NFASC: variants seen among roughly 807,000 people sequenced by gnomAD.
The protein encoded by NFASC is neurofascin homolog.
Under a neutral mutation model 147.5 loss-of-function variants are expected in NFASC, and 43 were observed. The observed-to-expected ratio is 0.29, with a 90% CI of 0.23 to 0.38. The LOEUF (loss-of-function observed/expected upper bound fraction) is 0.38, where lower values mean the gene tolerates loss of function less well. NFASC is among the 10% of genes least tolerant of loss of function. The pLI, the probability that NFASC is intolerant of heterozygous loss-of-function variation, is 1.00. For synonymous variants in NFASC, 622 were observed against 665.5 expected, an observed-to-expected ratio of 0.93 and a Z score of 1.01; for missense variants, 1,320 against 1,689.0, an observed-to-expected ratio of 0.78 and a Z score of 3.83.
intron 3 of NFASC, chr1:204,948,517 G>A: frequency 2.0e-6 from 1 of 496,252 alleles, no homozygotes; most frequent in Non-Finnish European, 4.0e-6. Flanking sequence ...AGAATGTCAA[G>A]GAGAGCAGAG....
intron 1 of NFASC, among the ~76,000 whole-genome samples, chr1:204,830,006 G>GGTGTGTGTGTGTGTGTGTGT (rs58294218): frequency 3.5e-5 from 5 of 144,012 alleles, no homozygotes; most frequent in African/African-American, 1.0e-4. Context: ...TTTGGCATGG[G>GGTGTGTGTGTGTGTGTGTGT]GTGTGTGTGT....
chr1:205,001,894 A>G (rs2095995902), intron 26 of NFASC, among the ~76,000 whole-genome samples: 1 of 152,182 alleles, frequency 6.6e-6, no homozygotes, highest in Non-Finnish European at 1.5e-5. Flanking sequence ...CATCTTCAGT[A>G]TGTGCTCTAA....
rs574113849 is a variant in NFASC at position 204,911,823 on chromosome 1, A to G, written c.-199-8809A>G. Reference sequence around the variant, plus strand: ...TTTTCTTAATTATAAAGCAATTCAGATTATCTGTTACATATTGGGAAATGT... The same window carrying G: ...TTTTCTTAATTATAAAGCAATTCAGGTTATCTGTTACATATTGGGAAATGT... On this transcript the variant is annotated intron_variant, in intron 1 of 29. Transcript: ENST00000339876. Among the ~76,000 whole-genome samples the G allele has an allele frequency of 7.2e-5, 11 of 152,272 alleles. No individual in the cohort carries two copies. In the East Asian group the frequency reaches 2.1e-3, roughly 29 times the overall value.
intron 1 of NFASC, among the ~76,000 whole-genome samples, chr1:204,845,631 G>A (rs930939724): frequency 1.3e-5 from 2 of 152,138 alleles, no homozygotes; most frequent in African/African-American, 4.8e-5. Context: ...GCCAGGCATG[G>A]TGGTTCACAC....
intron 2 of NFASC, among the ~76,000 whole-genome samples, chr1:204,932,494 T>C (rs1385353968): frequency 6.6e-6 from 1 of 152,002 alleles, no homozygotes; most frequent in East Asian, 1.9e-4. Context: ...TTCACTAAGA[T>C]TGACAGCGTT....
At chr1:205,011,213 C>CCCG (rs530040240) in intron 28 of NFASC, among the ~76,000 whole-genome samples, 2 of 151,730 alleles carry the variant, frequency 1.3e-5, no homozygotes, top group Admixed American at 1.3e-4. Flanking sequence ...CAGGACCCCC[C>CCCG]CCAAAACTCA....
intron 2 of NFASC, among the ~76,000 whole-genome samples, chr1:204,922,607 G>A (rs546685128): frequency 3.3e-5 from 5 of 152,144 alleles, no homozygotes; most frequent in South Asian, 4.2e-4. Flanking sequence ...CCAAGGTTTC[G>A]CAAAACTAAT....
intron 12 of NFASC, 97 bp from the exon 13 acceptor site, chr1:204,974,082 G>A (rs956467069): frequency 1.1e-4 from 97 of 911,094 alleles, no homozygotes; most frequent in Non-Finnish European, 1.6e-4. Context: ...TGCCTGGGAA[G>A]CTGCTGTAAG....
chr1:204,961,692 G>A (rs779429552), intron 8 of NFASC, among the ~76,000 whole-genome samples: 6 of 152,238 alleles, frequency 3.9e-5, no homozygotes, highest in Non-Finnish European at 8.8e-5. Context: ...CTCTTTAGCT[G>A]CTCCAAGAGC....
chr1:204,984,118 C>T, intron 21 of NFASC: 2 of 1,613,552 alleles, frequency 1.2e-6, no homozygotes, highest in Non-Finnish European at 1.7e-6. Flanking sequence ...CCGACACGGT[C>T]CAGGGCCAGC....
Position 204,936,198 on chromosome 1 carries a change from C to CTTTTTTTT in NFASC, c.-90-8023_-90-8022insTTTTTTTT, listed in dbSNP as rs749844237. On this transcript the variant is annotated intron_variant, in intron 2 of 29. Transcript: ENST00000339876. The stretch of plus-strand genomic sequence containing the variant: ...TAACAGATTCCCTCTCTCTCTCTTT[C>CTTTTTTTT]TTTTTCTTTTTTTTTTTTTTTGAGA... Among the ~76,000 whole-genome samples, 55 of 71,890 alleles carry CTTTTTTTT rather than the reference C, an allele frequency of 7.7e-4. 1 individual carries two copies. The highest frequency in any genetic ancestry group is 1.4e-3 in the South Asian group (3 of 2,116). The allele number at this position is 71,890 out of a possible 152,430, so 47.2% of individuals were successfully genotyped here.
chr1:204,868,973 GT>G (rs1461993077), intron 1 of NFASC, among the ~76,000 whole-genome samples: 3 of 152,048 alleles, frequency 2.0e-5, no homozygotes, highest in Non-Finnish European at 4.4e-5. Context: ...TGCTCACTCT[GT>G]TCTGGCTCTG....
intron 24 of NFASC, among the ~76,000 whole-genome samples, chr1:204,992,237 G>A (rs1392111255): frequency 6.6e-6 from 1 of 152,170 alleles, no homozygotes; most frequent in Admixed American, 6.5e-5. Context: ...CAGAGCAAAG[G>A]CTACAAGCAA....
rs538026133 is a variant in NFASC at position 205,009,529 on chromosome 1, C to T, written c.3290-28C>T. 98 of 1,611,874 alleles carry T rather than the reference C, an allele frequency of 6.1e-5. No homozygotes were observed. The South Asian group carries it at 9.4e-4, about 16-fold the overall frequency. ...ACCATCTCCCCCATGAAATCATTCA[C>T]GGGTTTGCTTCCGGCCCTCCCCGCC... On this transcript the variant is annotated intron_variant, in intron 27 of 29. Coordinates refer to ENST00000339876, the MANE Select transcript of NFASC (RefSeq NM_001005388.3).
intron 8 of NFASC, chr1:204,967,946 C>G: frequency 1.9e-5 from 4 of 213,436 alleles, no homozygotes; most frequent in South Asian, 8.7e-5. Context: ...GTAGATCTCG[C>G]ACTGCTCAGA....
intron 1 of NFASC, among the ~76,000 whole-genome samples, chr1:204,871,755 T>A (rs2077746319): frequency 6.6e-6 from 1 of 152,192 alleles, no homozygotes; most frequent in Admixed American, 6.5e-5. Context: ...TGTCACTTCA[T>A]GCTAAACCAA....
At chr1:204,845,846 G>A (rs890023119) in intron 1 of NFASC, among the ~76,000 whole-genome samples, 2 of 152,156 alleles carry the variant, frequency 1.3e-5, no homozygotes, top group African/African-American at 2.4e-5. Context: ...AGGTCACAGC[G>A]AGCTATGATT....
At chr1:204,985,920 G>A in intron 21 of NFASC, 8 of 1,612,638 alleles carry the variant, frequency 5.0e-6, no homozygotes, top group Non-Finnish European at 6.8e-6. Flanking sequence ...GCCTACTACT[G>A]GAGGGAGAGC....
intron 1 of NFASC, among the ~76,000 whole-genome samples, chr1:204,907,717 C>G (rs1200419028): frequency 2.0e-5 from 3 of 152,198 alleles, no homozygotes; most frequent in African/African-American, 7.2e-5. Flanking sequence ...CTTCAGAATG[C>G]AGGTCCAGTT....
Sources: allele counts gnomAD v4.1 joint callset (sites outside exome capture counted in the v4.1 genomes callset), GRCh38; gene constraint gnomAD v4.1.1; transcripts MANE v1.5; gene names NCBI Gene and HGNC (gene_info 2026-07-23, HGNC 2026-07-21).